Variants in SPSB4 observed in about 807,000 individuals in gnomAD.
The protein encoded by SPSB4 is SPRY domain-containing SOCS box protein 4.
SPSB4 carries 21 observed loss-of-function variants against 20.9 expected under a neutral mutation model. The ratio of observed to expected loss-of-function variants is 1.01; its 90% confidence interval spans 0.71 to 1.45. The LOEUF (loss-of-function observed/expected upper bound fraction) is 1.45, where lower values mean the gene tolerates loss of function less well. Ranked by LOEUF, SPSB4 falls within the 40% of genes most tolerant of loss-of-function variation. The probability of loss-of-function intolerance (pLI) is 0.00; values close to 1 mark genes in which losing one functional copy is unlikely to be tolerated. For synonymous variants in SPSB4, 207 were observed against 183.8 expected (o/e 1.13, Z -1.02); for missense variants, 399 against 399.2 (o/e 1.00, Z 0.00).
intron 1 of SPSB4, among the ~76,000 whole-genome samples, chr3:141,053,977 G>A (rs1298623362): frequency 6.6e-6 from 1 of 152,002 alleles, no homozygotes; most frequent in East Asian, 1.9e-4. Context: ...CACTCCAAAG[G>A]CTCATTCACT....
At chr3:141,138,065 G>C (rs1232453237) in intron 2 of SPSB4, among the ~76,000 whole-genome samples, 1 of 152,218 alleles carries the variant, frequency 6.6e-6, no homozygotes, top group Non-Finnish European at 1.5e-5. Context: ...AGTCTTGGGA[G>C]AGTGTATGTG....
At chr3:141,056,620 G>C (rs1480314867) in intron 1 of SPSB4, among the ~76,000 whole-genome samples, 1 of 152,242 alleles carries the variant, frequency 6.6e-6, no homozygotes, top group African/African-American at 2.4e-5. Context: ...CATCTTGGGA[G>C]GTAAATGAGG....
chr3:141,090,815 C>T (rs1053524489), intron 2 of SPSB4, among the ~76,000 whole-genome samples: 9 of 152,052 alleles, frequency 5.9e-5, no homozygotes, highest in Admixed American at 5.9e-4. Flanking sequence ...CGTAGAGGGG[C>T]CAGGGCAGAA....
At chr3:141,140,154 G>A (rs946406312) in intron 2 of SPSB4, among the ~76,000 whole-genome samples, 10 of 152,208 alleles carry the variant, frequency 6.6e-5, no homozygotes, top group South Asian at 4.1e-4. Context: ...CATTCGTCAC[G>A]TGGTTCTTGT....
chr3:141,119,676 T>C (rs1433623218), intron 2 of SPSB4, among the ~76,000 whole-genome samples: 9 of 152,226 alleles, frequency 5.9e-5, no homozygotes, highest in African/African-American at 1.7e-4. Flanking sequence ...CCATTTCTTC[T>C]AGATTTTCTA....
intron 2 of SPSB4, among the ~76,000 whole-genome samples, chr3:141,093,025 G>T (rs1288539260): frequency 6.6e-6 from 1 of 152,142 alleles, no homozygotes; most frequent in Admixed American, 6.5e-5. Flanking sequence ...TGCAGTACAG[G>T]CTTCAGGGTG....
chr3:141,063,199 C>G (rs1341954315), intron 1 of SPSB4, among the ~76,000 whole-genome samples: 1 of 152,226 alleles, frequency 6.6e-6, no homozygotes, highest in Non-Finnish European at 1.5e-5. Context: ...TGAGTTCACA[C>G]TTCCCTGTTA....
chr3:141,108,613 G>A (rs201940221), intron 2 of SPSB4, among the ~76,000 whole-genome samples: 12 of 152,336 alleles, frequency 7.9e-5, no homozygotes, highest in South Asian at 4.1e-4. Context: ...GGATCAGACC[G>A]AGGCCATGCC....
chr3:141,062,144 C>A (rs79917600), intron 1 of SPSB4, among the ~76,000 whole-genome samples: 4 of 152,226 alleles, frequency 2.6e-5, no homozygotes, highest in Admixed American at 2.6e-4. Flanking sequence ...ACTTTGGTTC[C>A]GATGACCTTG....
At chr3:141,096,244 A>G (rs1938546141) in intron 2 of SPSB4, among the ~76,000 whole-genome samples, 1 of 152,198 alleles carries the variant, frequency 6.6e-6, no homozygotes, top group South Asian at 2.1e-4. Context: ...ATAGTTGAAT[A>G]AGATGGCACA....
At chr3:141,074,774 C>T (rs2107783406) in intron 2 of SPSB4, among the ~76,000 whole-genome samples, 1 of 152,326 alleles carries the variant, frequency 6.6e-6, no homozygotes, top group East Asian at 1.9e-4. Context: ...GAGGTGGCGG[C>T]CCTGAGGGCC....
chr3:141,063,778 T>A (rs922439798), intron 1 of SPSB4, among the ~76,000 whole-genome samples: 2 of 152,236 alleles, frequency 1.3e-5, no homozygotes, highest in African/African-American at 4.8e-5. Context: ...CCTTCTTGGA[T>A]CAGCATTTTG....
intron 2 of SPSB4, among the ~76,000 whole-genome samples, chr3:141,087,587 TCCTGGGAAGTGTGTGTGATGTAC>T (rs1286932391): frequency 6.6e-6 from 1 of 152,156 alleles, no homozygotes; most frequent in Non-Finnish European, 1.5e-5. Flanking sequence ...CCTTAAATAG[TCCTGGGAAGTGTGTGTGATGTAC>T]CCATTTTCCA....
intron 2 of SPSB4, among the ~76,000 whole-genome samples, chr3:141,070,312 G>T (rs9817591): frequency 0.31 from 47,182 of 151,954 alleles, 11,330 homozygotes; most frequent in African/African-American, 0.67. Flanking sequence ...ATTTCTTTTT[G>T]TTGTTGTTGT....
chr3:141,125,335 G>A (rs957522547), intron 2 of SPSB4, among the ~76,000 whole-genome samples: 27 of 152,144 alleles, frequency 1.8e-4, no homozygotes, highest in Non-Finnish European at 3.8e-4. Context: ...TCACCCATGC[G>A]CTCACCAGCA....
intron 1 of SPSB4, among the ~76,000 whole-genome samples, chr3:141,053,672 G>T (rs947217155): frequency 2.0e-5 from 3 of 151,824 alleles, no homozygotes; most frequent in Admixed American, 1.3e-4. Flanking sequence ...AAATAGAAAT[G>T]ATACCAAAAC....
intron 1 of SPSB4, among the ~76,000 whole-genome samples, chr3:141,057,033 G>A (rs1937658927): frequency 6.6e-6 from 1 of 152,244 alleles, no homozygotes; most frequent in African/African-American, 2.4e-5. Context: ...ACCCCAGGAG[G>A]AGGAGAGGCT....
chr3:141,052,527 G>A (rs956291363), intron 1 of SPSB4, among the ~76,000 whole-genome samples: 2 of 152,140 alleles, frequency 1.3e-5, no homozygotes, highest in African/African-American at 4.8e-5. Flanking sequence ...CAGTTCCGTC[G>A]TCCGTGTAAT....
intron 2 of SPSB4, among the ~76,000 whole-genome samples, chr3:141,106,844 G>A (rs966554069): frequency 1.3e-5 from 2 of 152,204 alleles, no homozygotes; most frequent in African/African-American, 2.4e-5. Context: ...TAAGCAGACA[G>A]TGTTTCCTAG....
Sources: gnomAD v4.1 joint callset for allele counts (sites outside exome capture counted in the v4.1 genomes callset) on GRCh38, gnomAD v4.1.1 for gene constraint, MANE v1.5 for transcripts, NCBI Gene and HGNC (gene_info 2026-07-23, HGNC 2026-07-21) for gene names.